Variants in DHX34 observed in about 807,000 individuals in gnomAD.
DHX34 encodes the protein probable ATP-dependent RNA helicase DHX34.
In DHX34, 96 loss-of-function variants were observed where a neutral mutation model predicts 111.1. The observed-to-expected ratio is 0.86, with a 90% CI of 0.73 to 1.02. The LOEUF is 1.02. Ranked by LOEUF, DHX34 falls within the 50% of genes least tolerant of loss-of-function variation. DHX34 has a pLI of 0.00. For synonymous variants in DHX34, 688 were observed against 670.4 expected, an observed-to-expected ratio of 1.03 and a Z score of -0.41; for missense variants, 1,560 against 1,579.9, an observed-to-expected ratio of 0.99 and a Z score of 0.21.
At chr19:47,368,705 CATATAT>C (rs781452889) in intron 7 of DHX34, among the ~76,000 whole-genome samples, 3 of 149,156 alleles carry the variant, frequency 2.0e-5, no homozygotes, top group Non-Finnish European at 4.4e-5. Context: ...TATACACACA[CATATAT>C]ATATGTTTTT....
intron 1 of DHX34, among the ~76,000 whole-genome samples, chr19:47,350,274 A>C (rs1175031235): frequency 6.6e-6 from 1 of 151,938 alleles, no homozygotes; most frequent in African/African-American, 2.4e-5. Context: ...GTGGTGACTC[A>C]CTCCTGTCAT....
chr19:47,375,808 G>A, intron 10 of DHX34, 100 bp downstream of exon 10: 1 of 1,549,336 alleles, frequency 6.5e-7, no homozygotes, highest in Non-Finnish European at 8.7e-7. Context: ...CATTTCAGGA[G>A]CCGGGTTTCC....
intron 5 of DHX34, among the ~76,000 whole-genome samples, chr19:47,361,873 C>T (rs1257372493): frequency 6.6e-6 from 1 of 152,160 alleles, no homozygotes; most frequent in Non-Finnish European, 1.5e-5. Flanking sequence ...TTGTTTAGCT[C>T]ACTGCTGTTC....
At position 47,380,004 on chromosome 19, in the gene DHX34, C is replaced by T. The variant is rs1241630625; in HGVS notation, c.2982+19C>T. 6.4e-7 allele frequency: 1 copy of T among 1,558,638 alleles called. No homozygotes were observed. The highest frequency in any genetic ancestry group is 1.8e-5 in the Admixed American group (1 of 56,756). ...ATCCAAGGTACCCTCCACCAGGGTGCCCGTGCCTCCCTATGGCCAGAAGGG... is the reference window on the plus strand; with the variant it reads ...ATCCAAGGTACCCTCCACCAGGGTGTCCGTGCCTCCCTATGGCCAGAAGGG... On this transcript the variant is annotated intron_variant, in intron 14 of 16. Transcript: ENST00000328771.
chr19:47,372,945 CTCTG>C (rs776375934), intron 8 of DHX34, 22 bp downstream of exon 8: 39 of 1,378,984 alleles, frequency 2.8e-5, no homozygotes, highest in South Asian at 3.7e-5. Context: ...GGTGGGGGCC[CTCTG>C]TCTGTCACCC....
At position 47,353,117 on chromosome 19, in the gene DHX34, C is replaced by A. The variant is rs1375935302; in HGVS notation, c.87C>A (p.Asp29Glu). 2 of 1,614,074 alleles carry A rather than the reference C, an allele frequency of 1.2e-6. No homozygotes were observed. Among genetic ancestry groups the A allele is most frequent in the Admixed American group, 1.7e-5 (1 of 59,980 alleles). The change falls in exon 2 of 17, where the codon GAC becomes GAA. Residue 29 changes from aspartate (D) to glutamate (E), a missense_variant. Asp to Glu is a conservative substitution (Grantham distance 45). Coordinates refer to ENST00000328771, the MANE Select transcript of DHX34 (RefSeq NM_014681.6). The surrounding 1 kb of genome is among the most constrained non-coding windows in gnomAD (Gnocchi z 4.6). Reference protein sequence around the residue: ...PSEEEALEKWDWNCPETRRLL... With the variant: ...PSEEEALEKWEWNCPETRRLL... The stretch of plus-strand genomic sequence containing the variant: ...AGGAAGAGGCCTTGGAGAAATGGGA[C>A]TGGAATTGTCCAGAGACGCGTCGCC...
At chr19:47,355,454 A>T (rs938169280) in intron 3 of DHX34, 104 bp downstream of exon 3, 53 of 1,470,756 alleles carry the variant, frequency 3.6e-5, no homozygotes, top group Admixed American at 6.7e-5. Flanking sequence ...CATCTCTTTC[A>T]TTTAAAGATG....
At chr19:47,369,231 T>A (rs1451084783) in intron 7 of DHX34, among the ~76,000 whole-genome samples, 1 of 152,172 alleles carries the variant, frequency 6.6e-6, no homozygotes, top group Non-Finnish European at 1.5e-5. Flanking sequence ...CAGGCTGATC[T>A]CAAACTACTG....
chr19:47,376,602 G>C (rs1195308738), intron 12 of DHX34, 42 bp downstream of exon 12: 11 of 1,542,688 alleles, frequency 7.1e-6, no homozygotes, highest in Non-Finnish European at 9.6e-6. Context: ...TCCGGGATGT[G>C]AGGGGCAGGG....
chr19:47,373,625 T>C lies in DHX34; in HGVS notation c.1989T>C (p.Ser663=). The C allele has an allele frequency of 1.2e-6, 2 of 1,613,888 alleles. No homozygotes were observed. Among genetic ancestry groups the C allele is most frequent in the South Asian group, 2.2e-5 (2 of 91,080 alleles). The change falls in exon 9 of 17, where the codon TCT becomes TCC. Residue 663 remains serine (S), a synonymous_variant. Transcript: ENST00000328771. ...TGAAATCTGAACGGAGCAGAAACTCTCGCAAGTGGTGCCGCCGCCGGGGCA... is the reference window on the plus strand; with the variant it reads ...TGAAATCTGAACGGAGCAGAAACTCCCGCAAGTGGTGCCGCCGCCGGGGCA... The part of the protein sequence containing the change: ...VQVKSERSRN[S]RKWCRRRGIE...
chr19:47,355,469 CT>C, intron 3 of DHX34, 119 bp downstream of exon 3: 2 of 1,437,976 alleles, frequency 1.4e-6, no homozygotes, highest in African/African-American at 1.4e-5. Flanking sequence ...AAGATGTTCT[CT>C]TTTTTTAAAG....
In DHX34 at chr19:47,372,866, G is replaced by A; in HGVS notation, c.1905G>A (p.Leu635=). 4 of 1,610,958 alleles carry A rather than the reference G, an allele frequency of 2.5e-6. No individual in the cohort carries two copies. The South Asian group carries it at 3.3e-5, about 13-fold the overall frequency. ...AGTGCGCGGCAGCACGGCGGCCGCT[G>A]GAGAGCGACCAGGGTGACCCCTTCA... is the stretch of plus-strand genomic sequence containing the variant. ...SPECAAARRP[L]ESDQGDPFTL... is the part of the protein sequence containing the mutation. The change falls in exon 8 of 17, where the codon CTG becomes CTA. Residue 635 remains leucine, a synonymous_variant. Transcript: ENST00000328771.
chr19:47,351,620 A>C (rs1969289389), intron 1 of DHX34, among the ~76,000 whole-genome samples: 7 of 152,174 alleles, frequency 4.6e-5, no homozygotes, highest in Admixed American at 4.6e-4. Flanking sequence ...TTCCAGAGCT[A>C]CCACAAAGAG....
chr19:47,371,713 C>T (rs977995343), intron 7 of DHX34, among the ~76,000 whole-genome samples: 1 of 152,136 alleles, frequency 6.6e-6, no homozygotes, highest in African/African-American at 2.4e-5. Flanking sequence ...GATTCTTCTG[C>T]CTCAGCCTCC....
At position 47,370,733 on chromosome 19, in the gene DHX34, G is replaced by A. The variant is rs1431071396; in HGVS notation, c.1769-1997G>A. Among the ~76,000 whole-genome samples the A allele has an allele frequency of 2.0e-5, 3 of 152,166 alleles. No homozygotes were observed. The East Asian group carries it at 5.8e-4, about 29-fold the overall frequency. Reference sequence around the variant, plus strand: ...ACTCTGTCCTCCAGGCTGGAGTGCAGTGGCATGATCTTGGCTCACTGCAAC... The same window carrying A: ...ACTCTGTCCTCCAGGCTGGAGTGCAATGGCATGATCTTGGCTCACTGCAAC... On this transcript the variant is annotated intron_variant, in intron 7 of 16. Coordinates refer to ENST00000328771, the MANE Select transcript of DHX34 (RefSeq NM_014681.6).
intron 12 of DHX34, chr19:47,376,874 C>A: frequency 1.3e-6 from 2 of 1,533,208 alleles, no homozygotes; most frequent in Admixed American, 2.0e-5. Context: ...AGAGGGAGGC[C>A]CCCCTGGCAC....
At chr19:47,373,767 C>T (rs1970046374) in intron 9 of DHX34, 67 bp downstream of exon 9, 2 of 1,547,880 alleles carry the variant, frequency 1.3e-6, no homozygotes, top group Non-Finnish European at 1.8e-6. Context: ...CACTCCAGAA[C>T]ACTGCTTCCC....
In DHX34 at chr19:47,361,635, C is replaced by T. The variant is rs189070373; in HGVS notation, c.1376-841C>T. Among the ~76,000 whole-genome samples, 65 of 152,086 alleles carry T rather than the reference C, an allele frequency of 4.3e-4. 1 individual carries two copies. Among genetic ancestry groups the T allele is most frequent in the South Asian group, 1.5e-3 (7 of 4,808 alleles). ...CTCTACTAAAAATACAAAAATGACCCGGGCATGGTGGCGGGTTCCTGTAAT... is the reference window on the plus strand; with the variant it reads ...CTCTACTAAAAATACAAAAATGACCTGGGCATGGTGGCGGGTTCCTGTAAT... On this transcript the variant is annotated intron_variant, in intron 5 of 16. Coordinates refer to ENST00000328771, the MANE Select transcript of DHX34 (RefSeq NM_014681.6).
At chr19:47,356,049 TG>T (rs1005936477) in intron 3 of DHX34, among the ~76,000 whole-genome samples, 1 of 152,160 alleles carries the variant, frequency 6.6e-6, no homozygotes, top group African/African-American at 2.4e-5. Context: ...CATTTCAGTC[TG>T]GATAATTCCT....
Sources: allele counts gnomAD v4.1 joint callset (sites outside exome capture counted in the v4.1 genomes callset), GRCh38; gene constraint gnomAD v4.1.1; non-coding constraint Gnocchi (gnomAD v3.1); transcripts MANE v1.5; gene names NCBI Gene and HGNC (gene_info 2026-07-23, HGNC 2026-07-21).